PATJ: variants seen among roughly 807,000 people sequenced by gnomAD.
The protein encoded by PATJ is PATJ crumbs cell polarity complex component.
PATJ carries 190 observed loss-of-function variants against 224.9 expected under a neutral mutation model. The ratio of observed to expected loss-of-function variants is 0.84; its 90% CI spans 0.75 to 0.95. The LOEUF (loss-of-function observed/expected upper bound fraction) is 0.95. PATJ is among the 40% of genes least tolerant of loss of function. The pLI is 0.00. For missense variants in PATJ, 2,121 were observed against 2,270.3 expected (o/e 0.93, Z 1.34); for synonymous variants, 769 against 820.3 (o/e 0.94, Z 1.07).
chr1:62,032,833 C>CT (rs1054786443), intron 29 of PATJ, among the ~76,000 whole-genome samples: 1 of 152,138 alleles, frequency 6.6e-6, no homozygotes, highest in Non-Finnish European at 1.5e-5. Flanking sequence ...TTCAGCGTGT[C>CT]TGGGGGGGCC....
chr1:61,838,262 G>A (rs999866182), intron 17 of PATJ, among the ~76,000 whole-genome samples: 11 of 152,130 alleles, frequency 7.2e-5, no homozygotes, highest in Non-Finnish European at 1.5e-4. Flanking sequence ...GAGATTCACT[G>A]ATCTCCATTG....
intron 32 of PATJ, among the ~76,000 whole-genome samples, chr1:62,082,799 A>G (rs1659443471): frequency 1.3e-5 from 2 of 152,070 alleles, no homozygotes; most frequent in Admixed American, 6.6e-5. Context: ...TTTTTTTTCA[A>G]GCTTTTGAAA....
At chr1:62,143,983 G>A (rs1238543622) in intron 41 of PATJ, among the ~76,000 whole-genome samples, 1 of 152,150 alleles carries the variant, frequency 6.6e-6, no homozygotes, top group Non-Finnish European at 1.5e-5. Flanking sequence ...GGTTTATAAA[G>A]ATGGTGGACT....
At chr1:62,077,917 C>T (rs989984616) in intron 31 of PATJ, among the ~76,000 whole-genome samples, 23 of 152,114 alleles carry the variant, frequency 1.5e-4, no homozygotes, top group African/African-American at 4.8e-4. Context: ...ATTTAACTGT[C>T]GGGGTTGTTC....
intron 27 of PATJ, among the ~76,000 whole-genome samples, chr1:61,950,649 A>C: frequency 6.6e-6 from 1 of 151,930 alleles, no homozygotes; most frequent in East Asian, 1.9e-4. Flanking sequence ...TGTTCACGTC[A>C]AACTGTGTTT....
chr1:61,808,907 G>T (rs991771214), intron 14 of PATJ, among the ~76,000 whole-genome samples: 7 of 152,276 alleles, frequency 4.6e-5, no homozygotes, highest in Middle Eastern at 3.4e-3. Context: ...ATTAGAGGTA[G>T]TATGCAGAGT....
intron 27 of PATJ, among the ~76,000 whole-genome samples, chr1:61,962,304 G>A (rs1681431790): frequency 6.6e-6 from 1 of 152,190 alleles, no homozygotes; most frequent in Non-Finnish European, 1.5e-5. Context: ...AATATTAAAT[G>A]AGCAAATGGA....
chr1:62,104,160 C>T (rs1456044502), intron 33 of PATJ, among the ~76,000 whole-genome samples: 2 of 152,020 alleles, frequency 1.3e-5, no homozygotes, highest in Non-Finnish European at 2.9e-5. Context: ...GGAGAAGGCA[C>T]TCAGAGCTGC....
In PATJ at chr1:62,084,623, T is replaced by C. The variant is rs1301633739; in HGVS notation, c.4352T>C (p.Ile1451Thr). Residue 1451 changes from isoleucine (I) to threonine (T), a missense_variant, in exon 33 of 44, where the codon ATT becomes ACT. Ile to Thr is a moderately conservative substitution (Grantham distance 89, BLOSUM62 -1). Transcript: ENST00000642238. ...SKGRSGLGLS[I>T]VGGKDTPLNA... The stretch of plus-strand genomic sequence containing the variant: ...GGACGTTCAGGGCTTGGTCTCAGCA[T>C]TGTGGGAGGAAAAGACACACCCTTG... The C allele has an allele frequency of 1.2e-6, 2 of 1,613,060 alleles. No individual in the cohort carries two copies. The highest frequency in any genetic ancestry group is 4.5e-5 in the East Asian group (2 of 44,872).
rs538197328 is a variant in PATJ at position 61,786,427 on chromosome 1, T to C, written c.850-1327T>C. Reference sequence around the variant, plus strand: ...TCCCCAGCTCCCAAATTTAAATACATAGTCTGGATTTCTCTACTGAACTTC... The same window carrying C: ...TCCCCAGCTCCCAAATTTAAATACACAGTCTGGATTTCTCTACTGAACTTC... On this transcript the variant is annotated intron_variant, in intron 7 of 43. Transcript: ENST00000642238. 5.9e-5 allele frequency among the ~76,000 whole-genome samples: 9 copies of C among 152,238 alleles called. 1 individual carries two copies. In the South Asian group the frequency reaches 1.9e-3, roughly 32 times the overall value.
intron 33 of PATJ, among the ~76,000 whole-genome samples, chr1:62,090,826 C>G (rs1402795556): frequency 6.6e-6 from 1 of 152,150 alleles, no homozygotes; most frequent in East Asian, 1.9e-4. Context: ...AAACTCCTCC[C>G]TGATGTCCTT....
chr1:61,894,894 T>C (rs1002615439), intron 22 of PATJ, among the ~76,000 whole-genome samples: 5 of 152,186 alleles, frequency 3.3e-5, no homozygotes, highest in Admixed American at 6.5e-5. Context: ...TTTGACCAAA[T>C]GCTGATAGTG....
intron 27 of PATJ, among the ~76,000 whole-genome samples, chr1:61,934,892 G>T (rs904922900): frequency 6.6e-6 from 1 of 152,132 alleles, no homozygotes; most frequent in African/African-American, 2.4e-5. Context: ...CTGCCGAACC[G>T]CACCATCCAC....
intron 10 of PATJ, among the ~76,000 whole-genome samples, chr1:61,796,780 T>G (rs191788699): frequency 6.7e-6 from 1 of 148,780 alleles, no homozygotes; most frequent in Admixed American, 6.8e-5. Context: ...TTCTTCCCCT[T>G]TCTTTCCCCC....
intron 33 of PATJ, among the ~76,000 whole-genome samples, chr1:62,100,662 T>C (rs1662039424): frequency 6.6e-6 from 1 of 152,234 alleles, no homozygotes; most frequent in Admixed American, 6.5e-5. Flanking sequence ...CTCCCCTTTC[T>C]GAGTCATTGT....
chr1:62,146,514 G>A (rs1039263516), intron 41 of PATJ, among the ~76,000 whole-genome samples: 1 of 152,128 alleles, frequency 6.6e-6, no homozygotes, highest in African/African-American at 2.4e-5. Flanking sequence ...AGTGGCTCAC[G>A]CCTGTAATCC....
rs113962976 is a variant in PATJ, at chr1:61,803,940, C to T, written c.1550-1508C>T. On this transcript the variant is annotated intron_variant, in intron 12 of 43. Coordinates refer to ENST00000642238, the MANE Select transcript of PATJ (RefSeq NM_001350145.3). ...ATATCTCTTTTCTCCAGCACTTAGG[C>T]CTTTGTACTGTGGTTTAAAACACAT... 2.6e-3 allele frequency among the ~76,000 whole-genome samples: 400 copies of T among 152,098 alleles called. 4 individuals carry two copies. Among genetic ancestry groups the T allele is most frequent in the African/African-American group, 9.0e-3 (375 of 41,506 alleles).
At chr1:62,069,652 T>G (rs997695725) in intron 31 of PATJ, among the ~76,000 whole-genome samples, 6 of 152,220 alleles carry the variant, frequency 3.9e-5, no homozygotes, top group Non-Finnish European at 8.8e-5. Flanking sequence ...GGAAGGAAAC[T>G]GACACTTCAG....
intron 28 of PATJ, among the ~76,000 whole-genome samples, chr1:61,997,413 T>C (rs985001622): frequency 1.3e-5 from 2 of 152,228 alleles, no homozygotes; most frequent in African/African-American, 4.8e-5. Context: ...TACAGCGTTG[T>C]AACCAATAGC....
Sources: allele counts gnomAD v4.1 joint callset (sites outside exome capture counted in the v4.1 genomes callset), GRCh38; gene constraint gnomAD v4.1.1; transcripts MANE v1.5; gene names NCBI Gene and HGNC (gene_info 2026-07-23, HGNC 2026-07-21).